Variants in ZFYVE9 observed in about 807,000 individuals in gnomAD.
ZFYVE9 encodes the protein zinc finger FYVE-type containing 9, also known as zinc finger FYVE domain-containing protein 9.
In ZFYVE9, 43 loss-of-function variants were observed where a neutral mutation model predicts 126.7. The observed-to-expected ratio is 0.34, with a 90% CI of 0.27 to 0.44. ZFYVE9 has a LOEUF of 0.44. Among genes scored for constraint, ZFYVE9 ranks in the 20% least tolerant of loss-of-function variants. The probability of loss-of-function intolerance (pLI) is 1.00; values close to 1 mark genes in which losing one functional copy is unlikely to be tolerated. For synonymous variants in ZFYVE9, 521 were observed against 597.4 expected (o/e 0.87, Z 1.87); for missense variants, 1,476 against 1,697.0 (o/e 0.87, Z 2.29).
intron 1 of ZFYVE9, among the ~76,000 whole-genome samples, chr1:52,164,674 A>G (rs375768016): frequency 6.6e-6 from 1 of 152,240 alleles, no homozygotes; most frequent in East Asian, 1.9e-4. Flanking sequence ...CCATCCATCC[A>G]TCCTTTGCAG....
chr1:52,146,007 C>T (rs1167372296), intron 1 of ZFYVE9, among the ~76,000 whole-genome samples: 1 of 144,892 alleles, frequency 6.9e-6, no homozygotes, highest in African/African-American at 2.7e-5. Context: ...TGGGTCCTCC[C>T]AGCCAAGGCT....
intron 1 of ZFYVE9, among the ~76,000 whole-genome samples, chr1:52,203,505 AT>A (rs949410826): frequency 7.4e-6 from 1 of 135,940 alleles, no homozygotes; most frequent in East Asian, 2.2e-4. Context: ...GATTAAAAAA[AT>A]TTTTTTTTAT....
intron 1 of ZFYVE9, among the ~76,000 whole-genome samples, chr1:52,203,262 A>G (rs1205115763): frequency 6.7e-6 from 1 of 149,846 alleles, no homozygotes; most frequent in African/African-American, 2.5e-5. Flanking sequence ...GTTAACCTCA[A>G]CCTCCACCTC....
Position 52,253,900 on chromosome 1 carries a change from A to G in ZFYVE9, c.2179-9873A>G, listed in dbSNP as rs376248670. The G allele has an allele frequency of 3.7e-6, 4 of 1,093,146 alleles. No individual in the cohort carries two copies. The African/African-American group carries it at 4.6e-5, about 13-fold the overall frequency. The allele number at this position is 1,093,146 out of a possible 1,614,324, so 67.7% of individuals were successfully genotyped here. A position where few individuals can be genotyped will look rare whatever the true frequency, so the allele number is the denominator to read the frequency against. On this transcript the variant is annotated intron_variant, in intron 4 of 18. Coordinates refer to ENST00000287727, the MANE Select transcript of ZFYVE9 (RefSeq NM_004799.4). Reference sequence around the variant, plus strand: ...TGATGAAAGCTATACTCCAAGCAAGATTTCAGCCAAAGTAGGAAATAATTT... The same window carrying G: ...TGATGAAAGCTATACTCCAAGCAAGGTTTCAGCCAAAGTAGGAAATAATTT...
rs762825986 is a variant in ZFYVE9, at chr1:52,324,268, CACACAAAA to C, written c.3439-8496_3439-8489del. Among the ~76,000 whole-genome samples the C allele has an allele frequency of 2.5e-3, 375 of 150,918 alleles. 1 individual carries two copies. Among genetic ancestry groups the C allele is most frequent in the Admixed American group, 3.5e-3 (53 of 15,152 alleles). On this transcript the variant is annotated intron_variant, in intron 13 of 18. Transcript: ENST00000287727. Reference sequence around the variant, plus strand: ...TGTCTCAAAAACACACACACACACACACACAAAAACAAAAACAAAAACAAAACAAAACA... The same window carrying C: ...TGTCTCAAAAACACACACACACACACACAAAAACAAAAACAAAACAAAACA...
chr1:52,187,386 C>T (rs1644774390), intron 1 of ZFYVE9, among the ~76,000 whole-genome samples: 2 of 152,192 alleles, frequency 1.3e-5, no homozygotes, highest in East Asian at 1.9e-4. Flanking sequence ...CTAGGCAATA[C>T]ATTTTGGACA....
chr1:52,338,942 G>A (rs929768463), intron 16 of ZFYVE9, among the ~76,000 whole-genome samples: 7 of 152,268 alleles, frequency 4.6e-5, no homozygotes, highest in South Asian at 4.2e-4. Context: ...ATCGGGAGGC[G>A]GAGGTTTCGG....
chr1:52,174,152 T>C (rs981296348), intron 1 of ZFYVE9, among the ~76,000 whole-genome samples: 2 of 152,222 alleles, frequency 1.3e-5, no homozygotes, highest in Admixed American at 1.3e-4. Flanking sequence ...GTGCTATAAA[T>C]TTCCCTCTAC....
chr1:52,190,922 T>A (rs898894631), intron 1 of ZFYVE9, among the ~76,000 whole-genome samples: 2 of 152,130 alleles, frequency 1.3e-5, no homozygotes, highest in Non-Finnish European at 2.9e-5. Flanking sequence ...ATATCTATTA[T>A]ATTTTATGGA....
intron 2 of ZFYVE9, among the ~76,000 whole-genome samples, chr1:52,229,137 G>A (rs960954073): frequency 6.6e-6 from 1 of 151,944 alleles, no homozygotes; most frequent in Admixed American, 6.6e-5. Flanking sequence ...CAAAGTACTG[G>A]GATTACAGAT....
At chr1:52,244,085 T>C (rs534457097) in intron 4 of ZFYVE9, among the ~76,000 whole-genome samples, 79 of 152,300 alleles carry the variant, frequency 5.2e-4, no homozygotes, top group African/African-American at 1.7e-3. Flanking sequence ...GACTTGGCTA[T>C]AACAGGGTCA....
chr1:52,147,621 CAGTT>C (rs1235170607), intron 1 of ZFYVE9, among the ~76,000 whole-genome samples: 1 of 152,274 alleles, frequency 6.6e-6, no homozygotes, highest in East Asian at 1.9e-4. Context: ...TTTTATTCAT[CAGTT>C]AGGGCTGTTT....
intron 1 of ZFYVE9, chr1:52,162,435 T>A (rs893164863): frequency 7.7e-6 from 2 of 258,082 alleles, no homozygotes; most frequent in African/African-American, 4.5e-5. Context: ...ATTGTCTTGG[T>A]AATAGAATAA....
chr1:52,238,476 T>C lies in ZFYVE9; in HGVS notation c.1059T>C (p.Asn353=). 1 of 1,614,100 alleles carries C rather than the reference T, an allele frequency of 6.2e-7. No individual in the cohort carries two copies. The highest frequency in any genetic ancestry group is 8.5e-7 in the Non-Finnish European group (1 of 1,179,960). ...TGCCTAATGGGTCTGGAAGGAATAA[T>C]GACTGTGAACGGTGTTCAGATTGCC... is the stretch of plus-strand genomic sequence containing the variant. ...PDMPNGSGRN[N]DCERCSDCLV... The change falls in exon 4 of 19, where the codon AAT becomes AAC. Residue 353 remains asparagine, a synonymous_variant. Coordinates refer to ENST00000287727, the MANE Select transcript of ZFYVE9 (RefSeq NM_004799.4).
intron 1 of ZFYVE9, among the ~76,000 whole-genome samples, chr1:52,198,698 GC>G (rs1232484198): frequency 9.9e-5 from 15 of 152,170 alleles, no homozygotes; most frequent in African/African-American, 1.9e-4. Flanking sequence ...GATTCATAAC[GC>G]TGCTTTATAT....
chr1:52,208,485 A>G (rs1644996938), intron 1 of ZFYVE9, among the ~76,000 whole-genome samples: 1 of 151,506 alleles, frequency 6.6e-6, no homozygotes, highest in African/African-American at 2.4e-5. Context: ...AACATGGTTT[A>G]AGTCTGAATT....
intron 10 of ZFYVE9, among the ~76,000 whole-genome samples, chr1:52,285,471 C>T (rs1403042168): frequency 2.0e-5 from 3 of 152,218 alleles, no homozygotes; most frequent in African/African-American, 2.4e-5. Flanking sequence ...CTCACGTTAG[C>T]GCCTGAGCTC....
rs759769105 is a variant in ZFYVE9, at chr1:52,237,582, T to C, written c.165T>C (p.Ser55=). 1.9e-6 allele frequency: 3 copies of C among 1,613,912 alleles called. No homozygotes were observed. The East Asian group carries it at 6.7e-5, about 36-fold the overall frequency. Residue 55 remains serine (S), a synonymous_variant, in exon 4 of 19, where the codon AGT becomes AGC. Coordinates refer to ENST00000287727, the MANE Select transcript of ZFYVE9 (RefSeq NM_004799.4). ...HRLSFNPTLA[S]VNESAVSNES... ...TGTCATTTAACCCTACTTTGGCCAG[T>C]GTGAATGAATCTGCAGTTTCTAATG... is the stretch of plus-strand genomic sequence containing the variant.
At chr1:52,161,479 C>G (rs774975167) in intron 1 of ZFYVE9, among the ~76,000 whole-genome samples, 1 of 151,980 alleles carries the variant, frequency 6.6e-6, no homozygotes, top group Non-Finnish European at 1.5e-5. Flanking sequence ...TTAGTAGAGA[C>G]AGGGTTTTGC....
Sources: gnomAD v4.1 joint callset for allele counts (sites outside exome capture counted in the v4.1 genomes callset) on GRCh38, gnomAD v4.1.1 for gene constraint, MANE v1.5 for transcripts, NCBI Gene and HGNC (gene_info 2026-07-23, HGNC 2026-07-21) for gene names.